INCENP: variants seen among roughly 807,000 people sequenced by gnomAD.
INCENP encodes binds and activates aurora-B and -C in vivo and in vitro.
A neutral mutation model predicts 107.3 loss-of-function variants in INCENP; 43 were observed. The observed-to-expected ratio is 0.40, with a 90% CI of 0.31 to 0.52. The LOEUF (loss-of-function observed/expected upper bound fraction) is 0.52, where lower values mean the gene tolerates loss of function less well. INCENP is among the 20% of genes least tolerant of loss of function. The probability of loss-of-function intolerance (pLI) is 0.53; values close to 1 mark genes in which losing one functional copy is unlikely to be tolerated. For synonymous variants in INCENP, 488 were observed against 494.4 expected, an observed-to-expected ratio of 0.99 and a Z score of 0.17; for missense variants, 1,089 against 1,250.9, an observed-to-expected ratio of 0.87 and a Z score of 1.95.
intron 4 of INCENP, among the ~76,000 whole-genome samples, chr11:62,131,098 A>G (rs750705420): frequency 1.3e-5 from 2 of 151,956 alleles, no homozygotes; most frequent in Non-Finnish European, 2.9e-5. Flanking sequence ...TGGAGGAGGG[A>G]ATTATGGCAG....
intron 1 of INCENP, among the ~76,000 whole-genome samples, chr11:62,127,583 C>G (rs923481369): frequency 6.6e-6 from 1 of 152,228 alleles, no homozygotes; most frequent in Non-Finnish European, 1.5e-5. Context: ...TCCTTTGGAA[C>G]ACAGAATCTC....
chr11:62,144,350 A>AAAAAG (rs1010592835), intron 11 of INCENP, among the ~76,000 whole-genome samples: 4 of 151,438 alleles, frequency 2.6e-5, no homozygotes, highest in African/African-American at 9.7e-5. Context: ...AAAAAAAAAG[A>AAAAAG]AAAAAAAGTG....
intron 4 of INCENP, 28 bp from the exon 5 acceptor site, chr11:62,137,804 T>A: frequency 6.2e-7 from 1 of 1,611,766 alleles, no homozygotes; most frequent in Non-Finnish European, 8.5e-7. Context: ...TCTGATGAGA[T>A]CTTTTGTGCC....
At chr11:62,129,695 C>A in intron 3 of INCENP, 87 bp from the exon 4 acceptor site, 1 of 1,105,646 alleles carries the variant, frequency 9.0e-7, no homozygotes, top group Non-Finnish European at 1.3e-6. Context: ...TCTTATCATA[C>A]TCTATCCAAG....
rs1240479130 is a variant in INCENP, at chr11:62,140,168, C to A, written c.1292-66C>A. ...GCTGCCCAAGGACCCCTTCCCCCTA[C>A]ACCCCCATTCCCACCCTGCCGCCGC... is the stretch of plus-strand genomic sequence containing the variant. On this transcript the variant is annotated intron_variant, in intron 7 of 18. Transcript: ENST00000394818. 5.6e-6 allele frequency: 8 copies of A among 1,425,222 alleles called. 1 individual carries two copies. In the East Asian group the frequency reaches 1.6e-4, roughly 28 times the overall value. 88.3% of individuals were successfully genotyped at this position (1,425,222 alleles called of 1,614,324 possible). A position where few individuals can be genotyped will look rare whatever the true frequency, so the allele number is the denominator to read the frequency against.
rs1309786339 is a variant in INCENP at position 62,148,489 on chromosome 11, C to A, written c.2218C>A (p.Arg740=). ...RLQAERELQE[R]EKALRLQKEQ... ...CTGGGTCCTCAGGGAGCTGCAGGAG[C>A]GGGAGAAGGCCCTGCGGCTGCAGAA... Residue 740 remains arginine (R), a synonymous_variant, in exon 16 of 19, where the codon CGG becomes AGG. Transcript: ENST00000394818. 8 of 1,604,728 alleles carry A rather than the reference C, an allele frequency of 5.0e-6. No individual in the cohort carries two copies. The highest frequency in any genetic ancestry group is 6.8e-6 in the Non-Finnish European group (8 of 1,176,678).
rs1302950403 is a variant in INCENP at position 62,145,060 on chromosome 11, G to T, written c.1684G>T (p.Asp562Tyr). ...GCTGCGCAGGCAGAAGGTGGAGGAG[G>T]ACAAGCGGCGGCGGCTGGAGGAGGT... ...EQLRRQKVEE[D>Y]KRRRLEEVKL... is the part of the protein sequence containing the mutation. Residue 562 changes from aspartate (D) to tyrosine (Y), a missense_variant, in exon 12 of 19, where the codon GAC (aspartate) becomes TAC (tyrosine). Transcript: ENST00000394818. The T allele has an allele frequency of 1.2e-6, 2 of 1,613,532 alleles. No homozygotes were observed. Among genetic ancestry groups the T allele is most frequent in the African/African-American group, 2.7e-5 (2 of 74,926 alleles).
At chr11:62,125,453 G>A (rs1221477974) in intron 1 of INCENP, among the ~76,000 whole-genome samples, 1 of 152,240 alleles carries the variant, frequency 6.6e-6, no homozygotes, top group Non-Finnish European at 1.5e-5. Context: ...CTTTGCCAGG[G>A]CTGTGGTCTG....
At chr11:62,151,308 A>G (rs567987490) in intron 18 of INCENP, among the ~76,000 whole-genome samples, 2 of 152,282 alleles carry the variant, frequency 1.3e-5, no homozygotes, top group East Asian at 3.9e-4. Context: ...CACTGCCCAG[A>G]GGCCCCCTCA....
Position 62,145,764 on chromosome 11 carries a change from G to T in INCENP, c.1959+13G>T. ...GTGGCTGCAGCAGGTGCGAGCACAG[G>T]TGGGCCTCAGGGAGGAGGTGGGCGG... On this transcript the variant is annotated intron_variant, in intron 14 of 18. Coordinates refer to ENST00000394818, the MANE Select transcript of INCENP (RefSeq NM_001040694.2). 6.5e-7 allele frequency: 1 copy of T among 1,550,172 alleles called. No homozygotes were observed.
Position 62,141,493 on chromosome 11 carries a change from T to C in INCENP, c.1594-7T>C. 6.2e-7 allele frequency: 1 copy of C among 1,613,982 alleles called. No homozygotes were observed. ...AACTCTTGCCTTTTCCCTTGTCTCC[T>C]CCACAGTGCAGCTTCGTCGTAAGTA... On this transcript the variant is annotated splice_polypyrimidine_tract_variant and splice_region_variant and intron_variant, in intron 10 of 18. Coordinates refer to ENST00000394818, the MANE Select transcript of INCENP (RefSeq NM_001040694.2).
At position 62,150,037 on chromosome 11, in the gene INCENP, G is replaced by A. The variant is rs377426941; in HGVS notation, c.2392-20G>A. ...TGGGAATGCCATGGAGGGAACTGAC[G>A]GCCACGTTTGTTTTTGCAGTCTCCA... On this transcript the variant is annotated intron_variant, in intron 17 of 18. Transcript: ENST00000394818. 8.9e-5 allele frequency: 143 copies of A among 1,612,202 alleles called. No individual in the cohort carries two copies. The highest frequency in any genetic ancestry group is 3.1e-4 in the African/African-American group (23 of 75,010).
chr11:62,125,787 G>C (rs2134601900), intron 1 of INCENP, among the ~76,000 whole-genome samples: 1 of 152,318 alleles, frequency 6.6e-6, no homozygotes, highest in African/African-American at 2.4e-5. Flanking sequence ...GCTGTGCTCT[G>C]GGCATTCAAC....
At chr11:62,134,505 A>C (rs1041320695) in intron 4 of INCENP, among the ~76,000 whole-genome samples, 2 of 152,016 alleles carry the variant, frequency 1.3e-5, no homozygotes, top group African/African-American at 2.4e-5. Flanking sequence ...AAATATTAAT[A>C]TTTTTATATG....
rs1360222563 is a variant in INCENP at position 62,148,908 on chromosome 11, A to G, written c.2391+62A>G. On this transcript the variant is annotated intron_variant, in intron 17 of 18. Coordinates refer to ENST00000394818, the MANE Select transcript of INCENP (RefSeq NM_001040694.2). ...GAGGGGCCCACTCTATTCTCTTCCC[A>G]GTAGCTAGAGGCACAGGCTGTGTTA... The G allele has an allele frequency of 7.6e-6, 8 of 1,052,118 alleles. No individual in the cohort carries two copies. In the East Asian group the frequency reaches 7.6e-5, roughly 10 times the overall value. 65.2% of individuals were successfully genotyped at this position (1,052,118 alleles called of 1,614,324 possible).
intron 4 of INCENP, among the ~76,000 whole-genome samples, chr11:62,133,330 A>G (rs951786518): frequency 6.6e-6 from 1 of 152,138 alleles, no homozygotes; most frequent in Non-Finnish European, 1.5e-5. Context: ...AAAAGCCAGC[A>G]GTCAGCGTGG....
chr11:62,151,145 C>G (rs557936125), intron 18 of INCENP, among the ~76,000 whole-genome samples: 30 of 152,264 alleles, frequency 2.0e-4, no homozygotes, highest in African/African-American at 7.0e-4. Flanking sequence ...AAGACAAGAC[C>G]CAGCTGAGGA....
intron 14 of INCENP, 120 bp from the exon 15 acceptor site, chr11:62,146,538 C>CTGGGT: frequency 6.9e-7 from 1 of 1,444,622 alleles, no homozygotes; most frequent in Non-Finnish European, 9.2e-7. Flanking sequence ...GGCGCCATTC[C>CTGGGT]TGGGTTGTCC....
At position 62,151,929 on chromosome 11, in the gene INCENP, G is replaced by A. The variant is rs1247331466; in HGVS notation, c.2710G>A (p.Gly904Ser). ...SAVWNSPPLQ[G>S]ARVPSSLAYS... ...TGTCTGGAACTCACCGCCCCTGCAG[G>A]GCGCCAGGGTCCCCAGCAGCCTGGC... The change falls in exon 19 of 19, where the codon GGC (glycine) becomes AGC (serine). Residue 904 changes from glycine to serine, a missense_variant. By Grantham distance (56) the Gly-to-Ser change is moderately conservative. Coordinates refer to ENST00000394818, the MANE Select transcript of INCENP (RefSeq NM_001040694.2). 1.9e-6 allele frequency: 3 copies of A among 1,613,224 alleles called. No homozygotes were observed. In the Admixed American group the frequency reaches 5.0e-5, roughly 27 times the overall value.
Sources: gnomAD v4.1 joint callset for allele counts (sites outside exome capture counted in the v4.1 genomes callset) on GRCh38, gnomAD v4.1.1 for gene constraint, MANE v1.5 for transcripts, NCBI Gene and HGNC (gene_info 2026-07-23, HGNC 2026-07-21) for gene names.